Variants in EPHA6 observed in about 807,000 individuals in gnomAD.
The protein encoded by EPHA6 is ephrin type-A receptor 6.
EPHA6 carries 50 observed loss-of-function variants against 112.0 expected under a neutral mutation model. That is an observed-to-expected ratio of 0.45 (90% confidence interval 0.36 to 0.56). EPHA6 has a LOEUF of 0.56. Ranked by LOEUF, EPHA6 falls within the 20% of genes least tolerant of loss-of-function variation. The pLI is 0.00. For missense variants in EPHA6, 1,280 were observed against 1,417.4 expected, an observed-to-expected ratio of 0.90 and a Z score of 1.56; for synonymous variants, 529 against 490.7, an observed-to-expected ratio of 1.08 and a Z score of -1.03.
At chr3:97,127,714 CAAAA>C (rs1343245083) in intron 3 of EPHA6, among the ~76,000 whole-genome samples, 10 of 93,804 alleles carry the variant, frequency 1.1e-4, no homozygotes, top group Admixed American at 1.2e-4. Context: ...GACCCTGTCT[CAAAA>C]AAAAAAAAAA....
chr3:97,558,370 A>G (rs1358337228), intron 11 of EPHA6, among the ~76,000 whole-genome samples: 2 of 152,014 alleles, frequency 1.3e-5, no homozygotes, highest in East Asian at 3.9e-4. Context: ...GACAGTTTTC[A>G]TCTCAGTTTC....
chr3:96,946,921 G>A (rs2041294777), intron 2 of EPHA6, among the ~76,000 whole-genome samples: 1 of 152,044 alleles, frequency 6.6e-6, no homozygotes, highest in Non-Finnish European at 1.5e-5. Context: ...TTCTCTGATG[G>A]CCAGTGATGA....
At chr3:97,464,738 A>G (rs1476063700) in intron 7 of EPHA6, among the ~76,000 whole-genome samples, 1 of 152,090 alleles carries the variant, frequency 6.6e-6, no homozygotes, top group Non-Finnish European at 1.5e-5. Context: ...GCTCCCATGG[A>G]AAAAGTTATA....
chr3:97,274,037 G>C (rs2079982532), intron 5 of EPHA6, among the ~76,000 whole-genome samples: 2 of 152,180 alleles, frequency 1.3e-5, no homozygotes, highest in South Asian at 4.1e-4. Context: ...GGAACACTGA[G>C]AAGTGATTTC....
intron 6 of EPHA6, among the ~76,000 whole-genome samples, chr3:97,408,468 C>T (rs912657882): frequency 2.6e-5 from 4 of 152,070 alleles, no homozygotes; most frequent in African/African-American, 9.7e-5. Context: ...GCAAGGCACA[C>T]TTCCTTCTCT....
At chr3:97,571,532 T>G (rs552977556) in intron 11 of EPHA6, among the ~76,000 whole-genome samples, 6 of 151,934 alleles carry the variant, frequency 3.9e-5, no homozygotes, top group African/African-American at 1.4e-4. Context: ...AGTGACCTGG[T>G]TGCTGCATTA....
intron 2 of EPHA6, among the ~76,000 whole-genome samples, chr3:96,919,896 C>A (rs10428152): frequency 6.6e-6 from 1 of 151,670 alleles, no homozygotes; most frequent in Non-Finnish European, 1.5e-5. Context: ...CTCAAAAGAT[C>A]GAAGTTCTCC....
chr3:97,565,507 A>C (rs56971902), intron 11 of EPHA6, among the ~76,000 whole-genome samples: 1 of 152,198 alleles, frequency 6.6e-6, no homozygotes, highest in East Asian at 1.9e-4. Flanking sequence ...TTAGTATAAT[A>C]AAATATTGGA....
chr3:97,049,522 A>G (rs1023035619), intron 3 of EPHA6, among the ~76,000 whole-genome samples: 1 of 152,226 alleles, frequency 6.6e-6, no homozygotes, highest in Admixed American at 6.5e-5. Flanking sequence ...GGGTGGATTT[A>G]GTAATCTCGT....
At chr3:97,281,510 C>A (rs1009822638) in intron 5 of EPHA6, among the ~76,000 whole-genome samples, 1 of 152,066 alleles carries the variant, frequency 6.6e-6, no homozygotes, top group African/African-American at 2.4e-5. Context: ...GCCTATTACA[C>A]TAAAGAGTCT....
At chr3:97,507,866 A>T (rs1201547097) in intron 10 of EPHA6, among the ~76,000 whole-genome samples, 1 of 151,980 alleles carries the variant, frequency 6.6e-6, no homozygotes, top group Non-Finnish European at 1.5e-5. Flanking sequence ...CAGGGATTCG[A>T]CTTCTTCCTG....
chr3:96,932,592 T>A (rs1367219258), intron 2 of EPHA6, among the ~76,000 whole-genome samples: 1 of 152,196 alleles, frequency 6.6e-6, no homozygotes, highest in African/African-American at 2.4e-5. Context: ...TGCTTTAGTA[T>A]GTCCTCCTGT....
chr3:97,185,856 A>T (rs2077114585), intron 3 of EPHA6, among the ~76,000 whole-genome samples: 1 of 152,114 alleles, frequency 6.6e-6, no homozygotes, highest in Non-Finnish European at 1.5e-5. Flanking sequence ...AATGTGGCAC[A>T]TATACACCAT....
At chr3:97,263,723 T>C (rs182875926) in intron 5 of EPHA6, among the ~76,000 whole-genome samples, 3 of 152,244 alleles carry the variant, frequency 2.0e-5, no homozygotes, top group African/African-American at 7.2e-5. Flanking sequence ...TTTGTTATAA[T>C]TGTAATATGC....
At chr3:96,869,547 C>A (rs1349124862) in intron 2 of EPHA6, among the ~76,000 whole-genome samples, 1 of 151,920 alleles carries the variant, frequency 6.6e-6, no homozygotes, top group Non-Finnish European at 1.5e-5. Flanking sequence ...AATCATTTGG[C>A]TGGAGTGGAG....
chr3:97,471,488 T>C (rs1204485338), intron 7 of EPHA6, among the ~76,000 whole-genome samples: 2 of 151,702 alleles, frequency 1.3e-5, no homozygotes, highest in East Asian at 3.9e-4. Flanking sequence ...TTGAATGAAC[T>C]AATAAATTCT....
intron 5 of EPHA6, among the ~76,000 whole-genome samples, chr3:97,305,933 G>C (rs1313602738): frequency 6.6e-6 from 1 of 151,368 alleles, no homozygotes; most frequent in Non-Finnish European, 1.5e-5. Context: ...AGAAATAAAG[G>C]GAAAATATTT....
chr3:97,349,586 A>G (rs911369371), intron 5 of EPHA6, among the ~76,000 whole-genome samples: 1 of 152,158 alleles, frequency 6.6e-6, no homozygotes, highest in Admixed American at 6.6e-5. Context: ...AAATAAAAGA[A>G]AGAGTCATAG....
chr3:97,155,169 G>A (rs1463288910), intron 3 of EPHA6, among the ~76,000 whole-genome samples: 1 of 152,008 alleles, frequency 6.6e-6, no homozygotes, highest in African/African-American at 2.4e-5. Context: ...GTCAAGAAAG[G>A]CAATATTGAG....
Sources: allele counts gnomAD v4.1 joint callset (sites outside exome capture counted in the v4.1 genomes callset), GRCh38; gene constraint gnomAD v4.1.1; transcripts MANE v1.5; gene names NCBI Gene and HGNC (gene_info 2026-07-23, HGNC 2026-07-21).